SPAG16: variants seen among roughly 807,000 people sequenced by gnomAD.
SPAG16 encodes the protein sperm associated antigen 16, also known as sperm-associated antigen 16 protein.
Under a neutral mutation model 80.4 loss-of-function variants are expected in SPAG16, and 86 were observed. The observed-to-expected ratio is 1.07, with a 90% CI of 0.90 to 1.28. SPAG16 has a LOEUF of 1.28. Among genes scored for constraint, SPAG16 ranks in the 50% most tolerant of loss-of-function variants. The pLI is 0.00. For synonymous variants in SPAG16, 294 were observed against 265.9 expected (o/e 1.11, Z -1.03); for missense variants, 870 against 765.3 (o/e 1.14, Z -1.61).
intron 10 of SPAG16, among the ~76,000 whole-genome samples, chr2:213,794,761 A>G (rs1406105165): frequency 2.0e-5 from 3 of 152,102 alleles, no homozygotes; most frequent in African/African-American, 7.2e-5. Context: ...CACTAAAACT[A>G]TGCCCTGCAT....
At chr2:213,453,641 G>A (rs950577818) in intron 9 of SPAG16, among the ~76,000 whole-genome samples, 2 of 152,212 alleles carry the variant, frequency 1.3e-5, no homozygotes, top group African/African-American at 4.8e-5. Flanking sequence ...GGAGCTGGCT[G>A]TGAAAGGCAA....
chr2:213,347,514 T>C (rs1274929108), intron 6 of SPAG16, among the ~76,000 whole-genome samples: 1 of 152,242 alleles, frequency 6.6e-6, no homozygotes, highest in Non-Finnish European at 1.5e-5. Context: ...CTTTCTCTTG[T>C]GGGCATTTAG....
At chr2:213,863,988 G>A (rs970121941) in intron 11 of SPAG16, among the ~76,000 whole-genome samples, 2 of 151,864 alleles carry the variant, frequency 1.3e-5, no homozygotes, top group Non-Finnish European at 2.9e-5. Flanking sequence ...TATAAGGGGA[G>A]AAAATAAATA....
At chr2:213,641,975 A>G (rs113398983) in intron 10 of SPAG16, among the ~76,000 whole-genome samples, 8,832 of 152,272 alleles carry the variant, frequency 0.058, 844 homozygotes, top group African/African-American at 0.2. Flanking sequence ...GTCACTCACT[A>G]TCATGAGAAC....
intron 9 of SPAG16, among the ~76,000 whole-genome samples, chr2:213,477,301 G>A (rs902769259): frequency 6.6e-6 from 1 of 152,156 alleles, no homozygotes; most frequent in African/African-American, 2.4e-5. Flanking sequence ...TATCAATGGG[G>A]CACTGCCTAA....
intron 7 of SPAG16, among the ~76,000 whole-genome samples, chr2:213,361,604 G>A (rs2065981605): frequency 6.6e-6 from 1 of 151,340 alleles, no homozygotes; most frequent in African/African-American, 2.4e-5. Flanking sequence ...AGATAGGCCT[G>A]GAGCACTTGG....
At chr2:213,428,264 T>C (rs1575566007) in intron 9 of SPAG16, among the ~76,000 whole-genome samples, 2 of 152,116 alleles carry the variant, frequency 1.3e-5, no homozygotes, top group East Asian at 3.9e-4. Context: ...TCCTCTGCAA[T>C]CCACATTTCC....
chr2:214,264,437 T>C lies in SPAG16; in HGVS notation c.1720+115171T>C, dbSNP rs1313885423. On this transcript the variant is annotated intron_variant, in intron 15 of 15. Transcript: ENST00000331683. Reference sequence around the variant, plus strand: ...CTGCCCTGCCCCTGCCTGTGGATCTTCTAATTTTTTTTATTTAATAGACTT... The same window carrying C: ...CTGCCCTGCCCCTGCCTGTGGATCTCCTAATTTTTTTTATTTAATAGACTT... Among the ~76,000 whole-genome samples, 3 of 152,274 alleles carry C rather than the reference T, an allele frequency of 2.0e-5. No homozygotes were observed. In the East Asian group the frequency reaches 5.8e-4, roughly 29 times the overall value.
rs148203984 is a variant in SPAG16, at chr2:214,311,765, T to A, written c.1721-98375T>A. The A allele has an allele frequency of 1.8e-4, 28 of 152,266 alleles. No homozygotes were observed. In the East Asian group the frequency reaches 4.4e-3, roughly 24 times the overall value. The allele number at this position is 152,266 out of a possible 1,614,324, so 9.4% of individuals were successfully genotyped here. On this transcript the variant is annotated intron_variant, in intron 15 of 15. Transcript: ENST00000331683. The stretch of plus-strand genomic sequence containing the variant: ...GGCATCCAACATCTCTAGTCAACTG[T>A]CTGGGGAAAAAAACTAATTTACTTT...
At chr2:214,075,016 G>A (rs963027123) in intron 13 of SPAG16, among the ~76,000 whole-genome samples, 5 of 151,996 alleles carry the variant, frequency 3.3e-5, no homozygotes, top group South Asian at 2.1e-4. Context: ...AGCTTCATAC[G>A]TTGAAATACC....
At chr2:213,435,001 C>T (rs903833684) in intron 9 of SPAG16, among the ~76,000 whole-genome samples, 1 of 152,120 alleles carries the variant, frequency 6.6e-6, no homozygotes, top group South Asian at 2.1e-4. Context: ...AAAAAAGACA[C>T]CTACACTTGT....
intron 6 of SPAG16, among the ~76,000 whole-genome samples, chr2:213,348,368 C>T (rs951514505): frequency 1.3e-5 from 2 of 152,200 alleles, no homozygotes; most frequent in African/African-American, 2.4e-5. Context: ...GAGCATTTAG[C>T]CCATTTACAT....
intron 9 of SPAG16, among the ~76,000 whole-genome samples, chr2:213,453,205 T>C (rs1029488206): frequency 1.3e-5 from 2 of 152,226 alleles, no homozygotes; most frequent in Non-Finnish European, 2.9e-5. Flanking sequence ...ATTTCTTCCA[T>C]TTCAAGCTCT....
Position 214,025,141 on chromosome 2 carries a change from G to A in SPAG16, c.1527+11064G>A, listed in dbSNP as rs75829062. Among the ~76,000 whole-genome samples the A allele has an allele frequency of 3.8e-3, 584 of 151,714 alleles. 4 individuals are homozygous for A. Among genetic ancestry groups the A allele is most frequent in the Middle Eastern group, 0.017 (5 of 294 alleles). ...TTGGAAATCAAAAAGGGTCAGTTAC[G>A]TTTTTCTATTTTTGGTAGCTGAGAA... On this transcript the variant is annotated intron_variant, in intron 13 of 15. Coordinates refer to ENST00000331683, the MANE Select transcript of SPAG16 (RefSeq NM_024532.5).
chr2:213,678,272 GC>G (rs1183675579), intron 10 of SPAG16, among the ~76,000 whole-genome samples: 3 of 152,098 alleles, frequency 2.0e-5, no homozygotes, highest in Non-Finnish European at 4.4e-5. Context: ...TAAAATCAGA[GC>G]AGAACTGAAG....
At chr2:214,075,390 A>C (rs2051023504) in intron 13 of SPAG16, among the ~76,000 whole-genome samples, 1 of 152,030 alleles carries the variant, frequency 6.6e-6, no homozygotes, top group African/African-American at 2.4e-5. Flanking sequence ...AAAATTAAAA[A>C]CTTTATTGAT....
intron 11 of SPAG16, among the ~76,000 whole-genome samples, chr2:213,916,215 T>G (rs1466704385): frequency 2.6e-5 from 4 of 152,202 alleles, no homozygotes; most frequent in African/African-American, 4.8e-5. Context: ...TGGTATTGCC[T>G]AGGTTTTCTT....
chr2:213,840,796 G>A (rs2074325013), intron 10 of SPAG16, among the ~76,000 whole-genome samples: 1 of 152,164 alleles, frequency 6.6e-6, no homozygotes, highest in Non-Finnish European at 1.5e-5. Flanking sequence ...GACAATGGAA[G>A]CAGAACAAGG....
intron 15 of SPAG16, among the ~76,000 whole-genome samples, chr2:214,149,585 C>T (rs532703827): frequency 1.3e-4 from 19 of 151,862 alleles, no homozygotes; most frequent in Non-Finnish European, 7.4e-5. Flanking sequence ...TAAGCAAATT[C>T]GATTTTCTAA....
Sources: gnomAD v4.1 joint callset for allele counts (sites outside exome capture counted in the v4.1 genomes callset) on GRCh38, gnomAD v4.1.1 for gene constraint, MANE v1.5 for transcripts, NCBI Gene and HGNC (gene_info 2026-07-23, HGNC 2026-07-21) for gene names.